Variants in PAQR5 observed in about 807,000 individuals in gnomAD.
PAQR5 encodes progestin and adipoQ receptor family member 5, also known as membrane progestin receptor gamma.
PAQR5 carries 20 observed loss-of-function variants against 34.5 expected under a neutral mutation model. That is an observed-to-expected ratio of 0.58 (90% CI 0.41 to 0.84). The LOEUF (loss-of-function observed/expected upper bound fraction) is 0.84. Ranked by LOEUF, PAQR5 falls within the 40% of genes least tolerant of loss-of-function variation. The probability of loss-of-function intolerance (pLI) is 0.00; values close to 1 mark genes in which losing one functional copy is unlikely to be tolerated. For missense variants in PAQR5, 378 were observed against 412.7 expected (o/e 0.92, Z 0.73); for synonymous variants, 131 against 155.6 (o/e 0.84, Z 1.18).
At chr15:69,353,797 T>C (rs528336860) in intron 2 of PAQR5, among the ~76,000 whole-genome samples, 1 of 152,284 alleles carries the variant, frequency 6.6e-6, no homozygotes, top group African/African-American at 2.4e-5. Context: ...GCTCTGCTGG[T>C]CTAAAGGTCT....
chr15:69,307,769 TGA>T (rs1566990279), intron 1 of PAQR5, among the ~76,000 whole-genome samples: 1 of 151,608 alleles, frequency 6.6e-6, no homozygotes. Context: ...GAAGACCAAG[TGA>T]GAGAAAGCTG....
Position 69,355,490 on chromosome 15 carries a change from G to A in PAQR5, c.-115-4476G>A, listed in dbSNP as rs180856871. 3.3e-3 allele frequency among the ~76,000 whole-genome samples: 477 copies of A among 144,288 alleles called. 2 individuals carry two copies. Among genetic ancestry groups the A allele is most frequent in the African/African-American group, 0.011 (444 of 38,834 alleles). 94.7% of individuals were successfully genotyped at this position (144,288 alleles called of 152,430 possible). Reference sequence around the variant, plus strand: ...GGCTGGAGTGTAGTGGTGAGATCTCGGCTCACTGCAACCTCTGTCTCCCAG... The same window carrying A: ...GGCTGGAGTGTAGTGGTGAGATCTCAGCTCACTGCAACCTCTGTCTCCCAG... On this transcript the variant is annotated intron_variant, in intron 2 of 8. Coordinates refer to ENST00000395407, the MANE Select transcript of PAQR5 (RefSeq NM_017705.4).
At chr15:69,356,055 G>T (rs2055068926) in intron 2 of PAQR5, among the ~76,000 whole-genome samples, 1 of 152,112 alleles carries the variant, frequency 6.6e-6, no homozygotes, top group Admixed American at 6.6e-5. Context: ...CCTTATTTTT[G>T]CATGGCTAAT....
At chr15:69,359,346 C>T (rs1445626121) in intron 2 of PAQR5, among the ~76,000 whole-genome samples, 4 of 152,164 alleles carry the variant, frequency 2.6e-5, no homozygotes, top group Admixed American at 2.6e-4. Flanking sequence ...TCCTCAGACA[C>T]CGAGTTAAAG....
At chr15:69,376,903 A>G (rs1473245220) in intron 3 of PAQR5, among the ~76,000 whole-genome samples, 1 of 152,116 alleles carries the variant, frequency 6.6e-6, no homozygotes, top group Non-Finnish European at 1.5e-5. Flanking sequence ...GAAGGGAAGT[A>G]GTCACAAACT....
intron 3 of PAQR5, among the ~76,000 whole-genome samples, chr15:69,374,880 G>A (rs1268516824): frequency 1.3e-5 from 2 of 152,112 alleles, no homozygotes; most frequent in African/African-American, 4.8e-5. Context: ...GGGCAGGGAG[G>A]TGACAGCACG....
At chr15:69,306,351 T>TTA (rs397737341) in intron 1 of PAQR5, among the ~76,000 whole-genome samples, 1 of 151,800 alleles carries the variant, frequency 6.6e-6, no homozygotes, top group Non-Finnish European at 1.5e-5. Context: ...CTTTTTTTTT[T>TTA]ACCATTTAAC....
At chr15:69,351,388 T>C (rs1223870440) in intron 2 of PAQR5, among the ~76,000 whole-genome samples, 1 of 152,252 alleles carries the variant, frequency 6.6e-6, no homozygotes, top group East Asian at 1.9e-4. Context: ...GTGACTCTAA[T>C]TGCAGCTGCT....
chr15:69,375,525 C>G (rs976435617), intron 3 of PAQR5, among the ~76,000 whole-genome samples: 4 of 152,164 alleles, frequency 2.6e-5, no homozygotes, highest in Non-Finnish European at 4.4e-5. Context: ...AAGTATGTCA[C>G]AGTCCAAAAT....
intron 6 of PAQR5, among the ~76,000 whole-genome samples, chr15:69,390,724 G>A (rs2056243612): frequency 6.6e-6 from 1 of 152,144 alleles, no homozygotes; most frequent in Non-Finnish European, 1.5e-5. Flanking sequence ...TGGTGACTGG[G>A]TGTGTCTGCC....
chr15:69,390,386 G>C, intron 6 of PAQR5, among the ~76,000 whole-genome samples: 1 of 139,190 alleles, frequency 7.2e-6, no homozygotes, highest in Non-Finnish European at 1.5e-5. Context: ...GTCTCTCTCT[G>C]TGGCCCAGGC....
chr15:69,343,817 T>C (rs1427082232), intron 2 of PAQR5, among the ~76,000 whole-genome samples: 1 of 152,134 alleles, frequency 6.6e-6, no homozygotes, highest in Non-Finnish European at 1.5e-5. Flanking sequence ...GTTCATTCAA[T>C]ATCTGCAGGT....
At chr15:69,393,175 G>A (rs552751581) in intron 6 of PAQR5, among the ~76,000 whole-genome samples, 5 of 2,848 alleles carry the variant, frequency 1.8e-3, no homozygotes, top group African/African-American at 2.6e-3. Context: ...AAGGTAGAGT[G>A]GGCATGTGGC....
intron 2 of PAQR5, among the ~76,000 whole-genome samples, chr15:69,358,633 A>ATTTTTTTTTT (rs71149910): frequency 0.73 from 61,864 of 84,330 alleles, 25,774 homozygotes; most frequent in Non-Finnish European, 0.86. Flanking sequence ...GCTCTGTGGC[A>ATTTTTTTTTT]TTTTTTTTTT....
chr15:69,403,930 G>C lies in PAQR5; in HGVS notation c.*108G>C. On this transcript the variant is annotated 3_prime_UTR_variant, in exon 9 of 9. Coordinates refer to ENST00000395407, the MANE Select transcript of PAQR5 (RefSeq NM_017705.4). ...TATCATGGCCTAAAATATTCATAAT[G>C]GTTGGTGTCTTTTGAATGAATTCAT... 2 of 1,184,218 alleles carry C rather than the reference G, an allele frequency of 1.7e-6. No homozygotes were observed. Among genetic ancestry groups the C allele is most frequent in the Non-Finnish European group, 2.4e-6 (2 of 843,706 alleles). 73.4% of individuals were successfully genotyped at this position (1,184,218 alleles called of 1,614,324 possible). A position where few individuals can be genotyped will look rare whatever the true frequency, so the allele number is the denominator to read the frequency against.
intron 3 of PAQR5, among the ~76,000 whole-genome samples, chr15:69,373,133 C>A (rs1161627378): frequency 1.3e-5 from 2 of 152,114 alleles, no homozygotes; most frequent in East Asian, 3.8e-4. Context: ...TCCTCTGAGT[C>A]TCTTCTTCTG....
intron 1 of PAQR5, chr15:69,314,777 A>C (rs1193040550): frequency 6.6e-6 from 1 of 152,272 alleles, no homozygotes; most frequent in Non-Finnish European, 1.5e-5. Flanking sequence ...CAAAGGGAAA[A>C]CAGCTCTCCT....
intron 1 of PAQR5, among the ~76,000 whole-genome samples, chr15:69,299,268 G>A (rs28750234): frequency 0.094 from 14,373 of 152,230 alleles, 741 homozygotes; most frequent in East Asian, 0.14. Flanking sequence ...CGCGGGGCCG[G>A]TGTGAAGGTG....
intron 3 of PAQR5, among the ~76,000 whole-genome samples, chr15:69,378,454 A>AT (rs2055782020): frequency 6.7e-6 from 1 of 148,408 alleles, no homozygotes; most frequent in Non-Finnish European, 1.5e-5. Context: ...AAAAAAAAAA[A>AT]AAAAAGAGAG....
Sources: allele counts gnomAD v4.1 joint callset (sites outside exome capture counted in the v4.1 genomes callset), GRCh38; gene constraint gnomAD v4.1.1; transcripts MANE v1.5; gene names NCBI Gene and HGNC (gene_info 2026-07-23, HGNC 2026-07-21).